FUT8: variants seen among roughly 807,000 people sequenced by gnomAD.
FUT8 encodes fucosyltransferase 8, also known as alpha-(1,6)-fucosyltransferase.
FUT8 carries 29 observed loss-of-function variants against 71.3 expected under a neutral mutation model. The ratio of observed to expected loss-of-function variants is 0.41; its 90% CI spans 0.30 to 0.55. The LOEUF (loss-of-function observed/expected upper bound fraction) is 0.55, where lower values mean the gene tolerates loss of function less well. Among genes scored for constraint, FUT8 ranks in the 20% least tolerant of loss-of-function variants. The pLI is 0.34. For missense variants in FUT8, 544 were observed against 702.1 expected, an observed-to-expected ratio of 0.77 and a Z score of 2.55; for synonymous variants, 254 against 239.3, an observed-to-expected ratio of 1.06 and a Z score of -0.57.
chr14:65,519,799 G>C (rs957146243), intron 2 of FUT8, among the ~76,000 whole-genome samples: 3 of 151,814 alleles, frequency 2.0e-5, no homozygotes, highest in African/African-American at 7.3e-5. Context: ...ATTTTTTTGA[G>C]ACAGGGTCTT....
intron 2 of FUT8, among the ~76,000 whole-genome samples, chr14:65,507,103 TTC>T (rs1468642913): frequency 4.6e-5 from 7 of 152,216 alleles, no homozygotes; most frequent in Admixed American, 2.6e-4. Flanking sequence ...ATTGTGGACT[TTC>T]CAAGTAAAAA....
At chr14:65,670,592 T>C (rs1373061631) in intron 7 of FUT8, among the ~76,000 whole-genome samples, 1 of 152,278 alleles carries the variant, frequency 6.6e-6, no homozygotes, top group African/African-American at 2.4e-5. Context: ...TTCAAAAAAC[T>C]GAGGCACTTC....
intron 3 of FUT8, among the ~76,000 whole-genome samples, chr14:65,591,065 G>T (rs1275777710): frequency 6.6e-6 from 1 of 152,164 alleles, no homozygotes; most frequent in Non-Finnish European, 1.5e-5. Context: ...GAAGAAAACA[G>T]AAACTACTTT....
chr14:65,531,661 G>C (rs745504440), intron 2 of FUT8, among the ~76,000 whole-genome samples: 6 of 152,088 alleles, frequency 3.9e-5, no homozygotes, highest in Non-Finnish European at 8.8e-5. Flanking sequence ...GTACAGGTTT[G>C]TTATATACGT....
At chr14:65,453,201 TGGTCATA>T (rs2065852536) in intron 1 of FUT8, among the ~76,000 whole-genome samples, 1 of 151,778 alleles carries the variant, frequency 6.6e-6, no homozygotes, top group Non-Finnish European at 1.5e-5. Flanking sequence ...TGCAGTAGCA[TGGTCATA>T]GGTCATGGCA....
At chr14:65,394,829 T>C in the FUT8 span, among the ~76,000 whole-genome samples, 2 of 145,556 alleles carry the variant, frequency 1.4e-5, no homozygotes, top group Non-Finnish European at 3.0e-5. Context: ...CACCACAACC[T>C]CTGCCTCCCA....
At chr14:65,465,567 A>C (rs1421195696) in intron 2 of FUT8, among the ~76,000 whole-genome samples, 1 of 152,210 alleles carries the variant, frequency 6.6e-6, no homozygotes, top group African/African-American at 2.4e-5. Context: ...TTTGTAAGTG[A>C]GCTGTTTAAA....
At chr14:65,573,602 A>C (rs1886601940) in intron 3 of FUT8, among the ~76,000 whole-genome samples, 1 of 152,064 alleles carries the variant, frequency 6.6e-6, no homozygotes, top group African/African-American at 2.4e-5. Flanking sequence ...ACAAGCCTGT[A>C]GTCCTAGCTG....
chr14:65,666,693 T>C (rs1184233912), intron 6 of FUT8, among the ~76,000 whole-genome samples: 1 of 152,126 alleles, frequency 6.6e-6, no homozygotes, highest in East Asian at 1.9e-4. Context: ...ATCATTCTGA[T>C]ACCAAAACCT....
chr14:65,687,037 A>G (rs1204131040), intron 7 of FUT8, among the ~76,000 whole-genome samples: 1 of 152,168 alleles, frequency 6.6e-6, no homozygotes, highest in African/African-American at 2.4e-5. Flanking sequence ...CTAATTTGTG[A>G]TAAGTTTGGC....
intron 7 of FUT8, among the ~76,000 whole-genome samples, chr14:65,694,395 A>T (rs1328285642): frequency 6.6e-6 from 1 of 151,910 alleles, no homozygotes; most frequent in Admixed American, 6.5e-5. Context: ...ATTTCTTGAC[A>T]TTTCTTTGAT....
intron 3 of FUT8, among the ~76,000 whole-genome samples, chr14:65,594,750 C>T (rs533183008): frequency 5.6e-4 from 85 of 152,254 alleles, no homozygotes; most frequent in African/African-American, 1.9e-3. Flanking sequence ...AGTCAAGCCA[C>T]CTCTCTGCCT....
intron 2 of FUT8, among the ~76,000 whole-genome samples, chr14:65,508,641 C>T (rs1271495125): frequency 6.6e-6 from 1 of 151,642 alleles, no homozygotes; most frequent in Non-Finnish European, 1.5e-5. Context: ...GCTGGGATTA[C>T]AGGTGCCTGC....
rs80180408 is a variant in FUT8, at chr14:65,548,526, A to C, written c.-227-12811A>C. On this transcript the variant is annotated intron_variant, in intron 2 of 10. Transcript: ENST00000673929. ...TGCAGTTTTTTGTCTGTTATGAATAAAGCTGCTGCAAACATTTGAGATTAA... is the reference window on the plus strand; with the variant it reads ...TGCAGTTTTTTGTCTGTTATGAATACAGCTGCTGCAAACATTTGAGATTAA... Among the ~76,000 whole-genome samples, 776 of 152,066 alleles carry C rather than the reference A, an allele frequency of 5.1e-3. 12 individuals carry two copies. Among genetic ancestry groups the C allele is most frequent in the African/African-American group, 0.018 (737 of 41,520 alleles).
chr14:65,653,294 T>G (rs1254210089), intron 6 of FUT8, among the ~76,000 whole-genome samples: 1 of 152,182 alleles, frequency 6.6e-6, no homozygotes, highest in Non-Finnish European at 1.5e-5. Context: ...ACCTCTATTA[T>G]CAGATTGACC....
At chr14:65,515,113 T>TCATTTTTCTCTAACATAAAA (rs751468420) in intron 2 of FUT8, among the ~76,000 whole-genome samples, 2,262 of 152,264 alleles carry the variant, frequency 0.015, 19 homozygotes, top group Middle Eastern at 0.024. Flanking sequence ...GTGGTTGAAA[T>TCATTTTTCTCTAACATAAAA]TCAGTTCCTA....
At chr14:65,641,805 A>T (rs1160977129) in intron 6 of FUT8, among the ~76,000 whole-genome samples, 3 of 149,090 alleles carry the variant, frequency 2.0e-5, no homozygotes, top group African/African-American at 7.4e-5. Flanking sequence ...TTTCATATGC[A>T]TATTTTCATC....
chr14:65,434,274 C>G (rs2065521738), intron 1 of FUT8, among the ~76,000 whole-genome samples: 1 of 152,184 alleles, frequency 6.6e-6, no homozygotes, highest in Non-Finnish European at 1.5e-5. Flanking sequence ...ATTCTAGCTT[C>G]ATTTTATTTT....
At chr14:65,709,752 A>T (rs1401075954) in intron 7 of FUT8, among the ~76,000 whole-genome samples, 2 of 152,190 alleles carry the variant, frequency 1.3e-5, no homozygotes, top group African/African-American at 4.8e-5. Flanking sequence ...TCAATGTGTT[A>T]TCCAACTGGC....
Sources: gnomAD v4.1 joint callset for allele counts (sites outside exome capture counted in the v4.1 genomes callset) on GRCh38, gnomAD v4.1.1 for gene constraint, MANE v1.5 for transcripts, NCBI Gene and HGNC (gene_info 2026-07-23, HGNC 2026-07-21) for gene names.